The following GRAMD1C variants were observed in gnomAD, a reference collection of about 807,000 sequenced individuals.
GRAMD1C encodes GRAM domain containing 1C, also known as protein Aster-C.
Under a neutral mutation model 97.8 loss-of-function variants are expected in GRAMD1C, and 89 were observed. The observed-to-expected ratio is 0.91, with a 90% CI of 0.77 to 1.09. GRAMD1C has a LOEUF of 1.09. Among genes scored for constraint, GRAMD1C ranks in the 50% least tolerant of loss-of-function variants. The pLI, the probability that GRAMD1C is intolerant of heterozygous loss-of-function variation, is 0.00. For missense variants in GRAMD1C, 740 were observed against 766.4 expected, an observed-to-expected ratio of 0.97 and a Z score of 0.41; for synonymous variants, 256 against 267.0, an observed-to-expected ratio of 0.96 and a Z score of 0.40.
chr3:113,850,535 A>C (rs1933850823), intron 2 of GRAMD1C: 1 of 1,595,190 alleles, frequency 6.3e-7, no homozygotes, highest in South Asian at 1.1e-5. Flanking sequence ...ACCAGTAGAA[A>C]TGTCTCCAGG....
chr3:113,870,996 CACACACACACACACACACACACACACAG>C (rs1328782661), intron 3 of GRAMD1C, among the ~76,000 whole-genome samples: 5 of 78,902 alleles, frequency 6.3e-5, no homozygotes, highest in Admixed American at 3.5e-4. Flanking sequence ...CACACACACA[CACACACACACACACACACACACACACAG>C]AGGAATATTA....
rs140020336 is a variant in GRAMD1C, at chr3:113,945,838, T to A, written c.*360T>A. The A allele has an allele frequency of 5.8e-3, 1,107 of 189,506 alleles. 17 individuals are homozygous for A. The highest frequency in any genetic ancestry group is 0.024 in the African/African-American group (1,001 of 42,294). 11.7% of individuals were successfully genotyped at this position (189,506 alleles called of 1,614,324 possible). A position where few individuals can be genotyped will look rare whatever the true frequency, so the allele number is the denominator to read the frequency against. The stretch of plus-strand genomic sequence containing the variant: ...GCTTTGTTAGCACAGAATCCGTACA[T>A]GTCCAATAGGTCGCTTTTGTAACTG... On this transcript the variant is annotated 3_prime_UTR_variant, in exon 18 of 18. Coordinates refer to ENST00000358160, the MANE Select transcript of GRAMD1C (RefSeq NM_017577.5).
Position 113,876,261 on chromosome 3 carries a change from G to C in GRAMD1C, c.459+1G>C. 6.6e-7 allele frequency: 1 copy of C among 1,510,248 alleles called. No individual in the cohort carries two copies. Among genetic ancestry groups the C allele is most frequent in the Non-Finnish European group, 9.2e-7 (1 of 1,088,310 alleles). 93.6% of individuals were successfully genotyped at this position (1,510,248 alleles called of 1,614,324 possible). On this transcript the variant is annotated splice_donor_variant, in intron 5 of 17. Transcript: ENST00000358160. LOFTEE classifies it high-confidence loss of function. ...CCAGATAGTTACAGAAAGTGAAAAG[G>C]TGAAAACTTTCCTATCTTTGTTATA...
chr3:113,935,169 A>C (rs1937553103), intron 13 of GRAMD1C, among the ~76,000 whole-genome samples: 1 of 152,218 alleles, frequency 6.6e-6, no homozygotes, highest in Non-Finnish European at 1.5e-5. Flanking sequence ...TTTTATTAAA[A>C]GAGAAAATTG....
chr3:113,911,171 G>GACACACACACACAC (rs760223728), intron 9 of GRAMD1C, among the ~76,000 whole-genome samples: 103 of 5,226 alleles, frequency 0.02, 1 homozygote, highest in South Asian at 0.11. Flanking sequence ...AACAGAGAGA[G>GACACACACACACAC]AGACACACAC....
intron 5 of GRAMD1C, among the ~76,000 whole-genome samples, chr3:113,876,776 G>A (rs1935053995): frequency 6.6e-6 from 1 of 151,504 alleles, no homozygotes; most frequent in South Asian, 2.1e-4. Flanking sequence ...ATTGGTTAGG[G>A]CCCTGTGTGA....
chr3:113,896,323 T>A (rs1290060968), intron 6 of GRAMD1C, among the ~76,000 whole-genome samples: 1 of 152,220 alleles, frequency 6.6e-6, no homozygotes, highest in Non-Finnish European at 1.5e-5. Flanking sequence ...TTCTGGAATC[T>A]TCTCTTACCT....
chr3:113,923,992 C>G (rs1304325376), intron 10 of GRAMD1C, among the ~76,000 whole-genome samples: 1 of 151,568 alleles, frequency 6.6e-6, no homozygotes. Context: ...TAATTTCTTC[C>G]TGGCTCAATC....
rs185174075 is a variant in GRAMD1C at position 113,911,827 on chromosome 3, A to G, written c.952+2707A>G. ...ACTGCAACCTCTGCCTCCCGGGTTC[A>G]CACCATTCTCCTGCCTCAGCCTTCC... is the stretch of plus-strand genomic sequence containing the variant. On this transcript the variant is annotated intron_variant, in intron 9 of 17. Coordinates refer to ENST00000358160, the MANE Select transcript of GRAMD1C (RefSeq NM_017577.5). 1.6e-3 allele frequency among the ~76,000 whole-genome samples: 238 copies of G among 151,526 alleles called. 1 individual carries two copies. Among genetic ancestry groups the G allele is most frequent in the African/African-American group, 5.6e-3 (230 of 41,284 alleles).
In GRAMD1C at chr3:113,845,559, C is replaced by T. The variant is rs1343609928; in HGVS notation, c.174+910C>T. On this transcript the variant is annotated intron_variant, in intron 2 of 17. Transcript: ENST00000358160. ...AACAAACAAACAAAAATTAGCCAGGCGTGGTGGCACATGCCTACAGGCTAC... is the reference window on the plus strand; with the variant it reads ...AACAAACAAACAAAAATTAGCCAGGTGTGGTGGCACATGCCTACAGGCTAC... Among the ~76,000 whole-genome samples the T allele has an allele frequency of 8.6e-5, 13 of 151,920 alleles. No homozygotes were observed. The South Asian group carries it at 1.0e-3, about 12-fold the overall frequency.
At chr3:113,919,234 G>A in intron 10 of GRAMD1C, 1 of 381,638 alleles carries the variant, frequency 2.6e-6, no homozygotes, top group East Asian at 7.2e-5. Flanking sequence ...GAGTTTTCTT[G>A]AAGGCTTTTT....
At chr3:113,877,084 C>T (rs545727335) in intron 5 of GRAMD1C, among the ~76,000 whole-genome samples, 2 of 152,208 alleles carry the variant, frequency 1.3e-5, no homozygotes, top group Admixed American at 6.5e-5. Context: ...TTGGGTCATG[C>T]GATCCTCCAA....
At chr3:113,922,661 C>A (rs1937100913) in intron 10 of GRAMD1C, among the ~76,000 whole-genome samples, 1 of 152,152 alleles carries the variant, frequency 6.6e-6, no homozygotes. Flanking sequence ...CAGTACCATG[C>A]TGTTTTGGTT....
intron 6 of GRAMD1C, chr3:113,885,752 T>G: frequency 6.3e-7 from 1 of 1,582,836 alleles, no homozygotes; most frequent in Non-Finnish European, 8.7e-7. Flanking sequence ...GAAGCATCCT[T>G]AAGAGGAGAT....
intron 6 of GRAMD1C, among the ~76,000 whole-genome samples, chr3:113,899,219 TCTG>T (rs1451267668): frequency 6.6e-6 from 1 of 152,190 alleles, no homozygotes; most frequent in Non-Finnish European, 1.5e-5. Flanking sequence ...ATGTATTTAT[TCTG>T]TATTTTTAGT....
At chr3:113,944,453 T>G (rs1477967886) in intron 17 of GRAMD1C, among the ~76,000 whole-genome samples, 1 of 152,188 alleles carries the variant, frequency 6.6e-6, no homozygotes, top group Non-Finnish European at 1.5e-5. Flanking sequence ...TCTAGACTCA[T>G]ACAGTCACTT....
Position 113,873,092 on chromosome 3 carries a change from C to CAA in GRAMD1C, c.260-2375_260-2374dup, listed in dbSNP as rs576155098. Among the ~76,000 whole-genome samples the CAA allele has an allele frequency of 1.7e-4, 6 of 35,750 alleles. 1 individual carries two copies. The highest frequency in any genetic ancestry group is 3.5e-3 in the South Asian group (2 of 564). 23.5% of individuals were successfully genotyped at this position (35,750 alleles called of 152,430 possible). ...TGGGCGACAGAGCAAGACTCCATCTCAAAAAAAAAAAAAAAAAATTAGCCG... is the reference window on the plus strand; with the variant it reads ...TGGGCGACAGAGCAAGACTCCATCTCAAAAAAAAAAAAAAAAAAAATTAGCCG... On this transcript the variant is annotated intron_variant, in intron 3 of 17. Coordinates refer to ENST00000358160, the MANE Select transcript of GRAMD1C (RefSeq NM_017577.5).
chr3:113,931,352 A>T (rs1162409180), intron 11 of GRAMD1C, among the ~76,000 whole-genome samples: 4 of 149,582 alleles, frequency 2.7e-5, no homozygotes, highest in African/African-American at 9.9e-5. Context: ...CTTCTCTTTC[A>T]TATATTCAAA....
At chr3:113,835,384 C>T (rs1709618569), upstream of GRAMD1C, among the ~76,000 whole-genome samples, 1 of 152,154 alleles carries the variant, frequency 6.6e-6, no homozygotes, top group South Asian at 2.1e-4. Context: ...GCTCTTCAGC[C>T]AAAGTCCAGG....
Sources: gnomAD v4.1 joint callset for allele counts (sites outside exome capture counted in the v4.1 genomes callset) on GRCh38, gnomAD v4.1.1 for gene constraint, MANE v1.5 for transcripts, NCBI Gene and HGNC (gene_info 2026-07-23, HGNC 2026-07-21) for gene names.